Variants in SMG1 observed in about 807,000 individuals in gnomAD.
SMG1 encodes SMG1 nonsense mediated mRNA decay associated PI3K related kinase.
SMG1 carries 22 observed loss-of-function variants against 419.9 expected under a neutral mutation model. That is an observed-to-expected ratio of 0.05 (90% CI 0.04 to 0.07). SMG1 has a LOEUF of 0.07. SMG1 is among the 10% of genes least tolerant of loss of function. The pLI is 1.00. For missense variants in SMG1, 3,185 were observed against 4,342.0 expected, an observed-to-expected ratio of 0.73 and a Z score of 7.49; for synonymous variants, 1,538 against 1,553.5, an observed-to-expected ratio of 0.99 and a Z score of 0.23.
intron 55 of SMG1, among the ~76,000 whole-genome samples, chr16:18,821,015 T>G (rs2032480663): frequency 6.6e-6 from 1 of 152,178 alleles, no homozygotes; most frequent in Non-Finnish European, 1.5e-5. Context: ...TCTGCTGCCT[T>G]AGGCATCACA....
chr16:18,914,575 T>G (rs1490732479), intron 1 of SMG1, among the ~76,000 whole-genome samples: 1 of 152,018 alleles, frequency 6.6e-6, no homozygotes, highest in Non-Finnish European at 1.5e-5. Context: ...TCCCAGCTAC[T>G]CAGGAGGCTG....
Position 18,819,516 on chromosome 16 carries a change from G to C in SMG1, c.9880C>G (p.Gln3294Glu). Residue 3294 changes from glutamine to glutamate, a missense_variant, in exon 56 of 63, where the codon CAA (glutamine) becomes GAA (glutamate). This residue lies in a region of SMG1 where 737 missense variants were observed against 846.6 expected (regional missense o/e 0.87). Coordinates refer to ENST00000446231, the MANE Select transcript of SMG1 (RefSeq NM_015092.5). ...AGTCACAATACCTGACTTGCTCTTT[G>C]GCTCTCTTTAAGGACAAGATTTCTT... is the stretch of plus-strand genomic sequence containing the variant. ...ERRNLVLKES[Q>E]RASQVTFLCS... The C allele has an allele frequency of 6.2e-7, 1 of 1,610,432 alleles. No homozygotes were observed. The highest frequency in any genetic ancestry group is 8.5e-7 in the Non-Finnish European group (1 of 1,178,168).
intron 39 of SMG1, among the ~76,000 whole-genome samples, chr16:18,844,896 G>A (rs1260565054): frequency 1.3e-5 from 2 of 152,002 alleles, no homozygotes; most frequent in South Asian, 2.1e-4. Flanking sequence ...AGAGAATATA[G>A]AATTAAGAAA....
intron 27 of SMG1, 47 bp downstream of exon 27, chr16:18,859,509 C>T (rs2035097619): frequency 1.1e-6 from 1 of 951,062 alleles, no homozygotes; most frequent in Non-Finnish European, 1.6e-6. Flanking sequence ...GTATGTTTAT[C>T]ACATGATATA....
Position 18,872,279 on chromosome 16 carries a change from A to T in SMG1, c.2088T>A (p.Ile696=). The change falls in exon 15 of 63, where the codon ATT becomes ATA. Residue 696 remains isoleucine (I), a synonymous_variant. Transcript: ENST00000446231. The part of the protein sequence containing the change: ...SSPSLFDGAV[I]STVTTATKKH... ...TCTTTGTAGCCGTAGTTACAGTGCTAATCACAGCTCCATCAAACAAAGAAG... is the reference window on the plus strand; with the variant it reads ...TCTTTGTAGCCGTAGTTACAGTGCTTATCACAGCTCCATCAAACAAAGAAG... The T allele has an allele frequency of 2.5e-6, 4 of 1,596,694 alleles. No individual in the cohort carries two copies. The highest frequency in any genetic ancestry group is 3.4e-6 in the Non-Finnish European group (4 of 1,170,080).
At chr16:18,818,504 G>C (rs370346345) in intron 56 of SMG1, among the ~76,000 whole-genome samples, 1 of 151,996 alleles carries the variant, frequency 6.6e-6, no homozygotes, top group Admixed American at 6.5e-5. Context: ...AGCAGCTAGA[G>C]CTAAAGGGAC....
At chr16:18,890,755 T>C (rs1429941713) in intron 5 of SMG1, 108 bp downstream of exon 5, 6 of 662,316 alleles carry the variant, frequency 9.1e-6, no homozygotes, top group East Asian at 5.4e-5. Context: ...GAAATGTCAA[T>C]AGATGTTCAT....
chr16:18,833,298 TTTTG>T lies in SMG1; in HGVS notation c.8566-136_8566-133del, dbSNP rs1410974478. 35 of 593,188 alleles carry T rather than the reference TTTTG, an allele frequency of 5.9e-5. No individual in the cohort carries two copies. In the African/African-American group the frequency reaches 6.0e-4, roughly 10 times the overall value. The allele number at this position is 593,188 out of a possible 1,614,324, so 36.7% of individuals were successfully genotyped here. A position where few individuals can be genotyped will look rare whatever the true frequency, so the allele number is the denominator to read the frequency against. ...ATCAACTCATTCATGTAAGTACATC[TTTTG>T]TTTACTTTTTATTTCTACTTTTAAA... is the stretch of plus-strand genomic sequence containing the variant. On this transcript the variant is annotated intron_variant, in intron 50 of 62. Transcript: ENST00000446231.
chr16:18,913,228 A>G (rs1015945563), intron 1 of SMG1, among the ~76,000 whole-genome samples: 1 of 152,140 alleles, frequency 6.6e-6, no homozygotes, highest in Non-Finnish European at 1.5e-5. Context: ...CTGGAAATTA[A>G]GTGTTAACAC....
chr16:18,826,980 G>T lies in SMG1; in HGVS notation c.9741+1051C>A, dbSNP rs1189948633. Among the ~76,000 whole-genome samples, 8 of 40,676 alleles carry T rather than the reference G, an allele frequency of 2.0e-4. 2 individuals are homozygous for T. In the Admixed American group the frequency reaches 2.2e-3, roughly 11 times the overall value. 26.7% of individuals were successfully genotyped at this position (40,676 alleles called of 152,430 possible). On this transcript the variant is annotated intron_variant, in intron 55 of 62. Transcript: ENST00000446231. ...CTCGTGGTGCGCCGTTTCTTAAGCC[G>T]GTCTGAAAAGCGTAATATTCGGGTG...
At chr16:18,818,242 G>A (rs1433337400) in intron 56 of SMG1, among the ~76,000 whole-genome samples, 2 of 151,992 alleles carry the variant, frequency 1.3e-5, no homozygotes, top group African/African-American at 4.8e-5. Flanking sequence ...AAACTTAGCT[G>A]GGCATGGTGG....
chr16:18,840,900 T>C (rs148225480), intron 41 of SMG1, among the ~76,000 whole-genome samples: 2 of 152,140 alleles, frequency 1.3e-5, no homozygotes, highest in African/African-American at 4.8e-5. Flanking sequence ...TTGCCTCTTA[T>C]ATAACTATTT....
intron 50 of SMG1, 51 bp downstream of exon 50, chr16:18,834,153 G>A (rs2033394719): frequency 4.5e-6 from 6 of 1,326,920 alleles, no homozygotes; most frequent in Non-Finnish European, 5.3e-6. Flanking sequence ...AGATGAGAAA[G>A]ACAATATTCA....
At chr16:18,848,125 C>T in intron 36 of SMG1, 92 bp from the exon 37 acceptor site, 1 of 1,064,790 alleles carries the variant, frequency 9.4e-7, no homozygotes, top group Non-Finnish European at 1.4e-6. Flanking sequence ...CTATTTGACT[C>T]AAGAGCACTC....
chr16:18,853,607 G>C lies in SMG1; in HGVS notation c.4744C>G (p.Pro1582Ala), dbSNP rs774846339. The C allele has an allele frequency of 6.2e-7, 1 of 1,605,382 alleles. No homozygotes were observed. The highest frequency in any genetic ancestry group is 1.7e-5 in the Admixed American group (1 of 58,814). Reference sequence around the variant, plus strand: ...CCTGTAGATTCACTCTCGATCCGAGGATACTCTTCTTCCATCGTATTAACA... The same window carrying C: ...CCTGTAGATTCACTCTCGATCCGAGCATACTCTTCTTCCATCGTATTAACA... Reference protein sequence around the residue: ...PSVNTMEEEYPRIESESTVHI... With the variant: ...PSVNTMEEEYARIESESTVHI... Residue 1582 changes from proline (P) to alanine (A), a missense_variant, in exon 31 of 63, where the codon CCT becomes GCT. By Grantham distance (27) the Pro-to-Ala change is conservative. Around this residue, in one of 27 missense-constraint regions of SMG1, gnomAD observed 493 missense variants for 552.9 expected, o/e 0.89. Transcript: ENST00000446231.
At chr16:18,851,457 T>G (rs1596521655) in intron 33 of SMG1, among the ~76,000 whole-genome samples, 2 of 152,376 alleles carry the variant, frequency 1.3e-5, no homozygotes, top group East Asian at 3.9e-4. Flanking sequence ...GTAAGTTTCG[T>G]GCACTGGCAT....
intron 1 of SMG1, among the ~76,000 whole-genome samples, chr16:18,901,268 G>C (rs913664210): frequency 2.0e-5 from 3 of 152,144 alleles, no homozygotes; most frequent in Non-Finnish European, 4.4e-5. Context: ...CTGTCACCCA[G>C]GCTGGAGTGC....
chr16:18,835,904 T>C (rs1393279713), intron 48 of SMG1, 29 bp downstream of exon 48: 2 of 1,543,494 alleles, frequency 1.3e-6, no homozygotes, highest in Non-Finnish European at 1.8e-6. Context: ...GTCTCAAAAA[T>C]AAAAGAAAAT....
intron 38 of SMG1, 92 bp downstream of exon 38, chr16:18,847,361 A>C: frequency 1.5e-6 from 2 of 1,374,644 alleles, no homozygotes; most frequent in Non-Finnish European, 2.0e-6. Context: ...TGAATTGTAC[A>C]CTTAAAAATT....
Sources: allele counts gnomAD v4.1 joint callset (sites outside exome capture counted in the v4.1 genomes callset), GRCh38; gene constraint gnomAD v4.1.1; regional missense constraint gnomAD v4.1.1; transcripts MANE v1.5; gene names NCBI Gene and HGNC (gene_info 2026-07-23, HGNC 2026-07-21).